The following AP1B1 variants were observed in gnomAD, a reference collection of about 807,000 sequenced individuals.
AP1B1 encodes adaptor related protein complex 1 subunit beta 1.
In AP1B1, 36 loss-of-function variants were observed where a neutral mutation model predicts 104.3. That is an observed-to-expected ratio of 0.35 (90% confidence interval 0.26 to 0.46). AP1B1 has a LOEUF of 0.46. Among genes scored for constraint, AP1B1 ranks in the 20% least tolerant of loss-of-function variants. The pLI is 1.00. For synonymous variants in AP1B1, 504 were observed against 517.5 expected, an observed-to-expected ratio of 0.97 and a Z score of 0.35; for missense variants, 901 against 1,247.9, an observed-to-expected ratio of 0.72 and a Z score of 4.19.
chr22:29,377,509 G>C (rs975320045), intron 1 of AP1B1, among the ~76,000 whole-genome samples: 1 of 152,090 alleles, frequency 6.6e-6, no homozygotes, highest in African/African-American at 2.4e-5. Flanking sequence ...TATGTAAAGA[G>C]CTTTAAAGTT....
In AP1B1 at chr22:29,350,140, T is replaced by C; in HGVS notation, c.1166A>G (p.Glu389Gly). 6.2e-7 allele frequency: 1 copy of C among 1,614,016 alleles called. No individual in the cohort carries two copies. Among genetic ancestry groups the C allele is most frequent in the Non-Finnish European group, 8.5e-7 (1 of 1,179,938 alleles). The change falls in exon 10 of 23, where the codon GAG (glutamate) becomes GGG (glycine). Residue 389 changes from glutamate to glycine, a missense_variant. By Grantham distance (98) the Glu-to-Gly change is moderately conservative (BLOSUM62 -2). Transcript: ENST00000357586. ...RCAIKVEQSA[E>G]RCVSTLLDLI... ...GTCGAGCAGCGTGCTCACACAGCGC[T>C]CCGCAGATTGCTGCATGGGAAGAGA...
At position 29,377,107 on chromosome 22, in the gene AP1B1, A is replaced by C. The variant is rs565308070; in HGVS notation, c.-27-9837T>G. ...GCTACTCGGGAGGCTGAGGTGGAAG[A>C]ATCGCTTGAACCTGGGAGGCGGGGG... On this transcript the variant is annotated intron_variant, in intron 1 of 22. Coordinates refer to ENST00000357586, the MANE Select transcript of AP1B1 (RefSeq NM_001127.4). 3.2e-4 allele frequency among the ~76,000 whole-genome samples: 48 copies of C among 150,486 alleles called. 1 individual carries two copies. In the South Asian group the frequency reaches 9.5e-3, roughly 30 times the overall value.
At chr22:29,362,970 T>G (rs776697486) in intron 3 of AP1B1, 31 bp downstream of exon 3, 43 of 1,562,320 alleles carry the variant, frequency 2.8e-5, no homozygotes, top group Non-Finnish European at 3.0e-5. Flanking sequence ...TCAGCCAGCT[T>G]CTAGCTGCCA....
intron 14 of AP1B1, 99 bp from the exon 15 acceptor site, chr22:29,339,873 G>A: frequency 4.5e-6 from 6 of 1,333,668 alleles, no homozygotes; most frequent in Non-Finnish European, 5.3e-6. Flanking sequence ...AAGGGAAAGA[G>A]GGAGATTAGT....
chr22:29,385,408 C>A (rs2062506751), intron 1 of AP1B1, among the ~76,000 whole-genome samples: 2 of 152,048 alleles, frequency 1.3e-5, no homozygotes. Flanking sequence ...AGAGTTGGTG[C>A]TTGCAGAAGT....
intron 22 of AP1B1, 30 bp downstream of exon 22, chr22:29,329,682 G>A (rs778950718): frequency 1.9e-5 from 31 of 1,613,148 alleles, no homozygotes; most frequent in African/African-American, 1.1e-4. Flanking sequence ...TGGGGAGGGC[G>A]GACGGGGAAA....
chr22:29,346,796 G>T (rs191386780), intron 11 of AP1B1, among the ~76,000 whole-genome samples: 4 of 151,796 alleles, frequency 2.6e-5, no homozygotes, highest in Non-Finnish European at 4.4e-5. Flanking sequence ...GGTGGCAGTG[G>T]GGGGGGGTGA....
chr22:29,334,154 G>A (rs1005424456), intron 17 of AP1B1, 111 bp downstream of exon 17: 1 of 1,135,552 alleles, frequency 8.8e-7, no homozygotes, highest in Admixed American at 2.7e-5. Flanking sequence ...AAGGGGCACT[G>A]CCCTCCCCTC....
intron 16 of AP1B1, 124 bp from the exon 17 acceptor site, chr22:29,334,534 C>T (rs2061609636): frequency 1.9e-6 from 2 of 1,056,518 alleles, no homozygotes; most frequent in African/African-American, 1.6e-5. Flanking sequence ...CCAGCACCCC[C>T]ACCTTTACTG....
At chr22:29,360,284 C>T (rs1569160965) in intron 3 of AP1B1, among the ~76,000 whole-genome samples, 1 of 152,164 alleles carries the variant, frequency 6.6e-6, no homozygotes, top group Non-Finnish European at 1.5e-5. Flanking sequence ...TCACCTGCCC[C>T]CTCGCCCTGA....
chr22:29,328,648 A>G lies in AP1B1; in HGVS notation c.*173T>C. 1.4e-6 allele frequency: 1 copy of G among 735,280 alleles called. No homozygotes were observed. 45.5% of individuals were successfully genotyped at this position (735,280 alleles called of 1,614,324 possible). ...GAGTGCACTGCGCTCTCACCCCAGG[A>G]GGGGGTGGTGCCCTACCCCAGGGAT... On this transcript the variant is annotated 3_prime_UTR_variant, in exon 23 of 23. Transcript: ENST00000357586. The surrounding 1 kb of genome is among the most constrained non-coding windows in gnomAD (Gnocchi z 4.1).
At chr22:29,378,974 C>G (rs1220511619) in intron 1 of AP1B1, among the ~76,000 whole-genome samples, 2 of 151,950 alleles carry the variant, frequency 1.3e-5, no homozygotes, top group South Asian at 2.1e-4. Context: ...CTTATATTGG[C>G]TTTGAGTCTC....
intron 16 of AP1B1, 51 bp from the exon 17 acceptor site, chr22:29,334,461 C>G: frequency 1.3e-6 from 2 of 1,545,368 alleles, no homozygotes; most frequent in Non-Finnish European, 1.7e-6. Flanking sequence ...TTCCTGCAGC[C>G]CAAACTCAAC....
At chr22:29,357,647 T>A (rs111665624) in intron 5 of AP1B1, among the ~76,000 whole-genome samples, 1,707 of 151,586 alleles carry the variant, frequency 0.011, 41 homozygotes, top group African/African-American at 0.04. Context: ...ATTACAGGCA[T>A]GTAATCCTGT....
At position 29,336,230 on chromosome 22, in the gene AP1B1, A is replaced by G. The variant is rs141708315; in HGVS notation, c.2164-1820T>C. 1.2e-3 allele frequency among the ~76,000 whole-genome samples: 190 copies of G among 152,322 alleles called. 1 individual carries two copies. In the East Asian group the frequency reaches 0.033, roughly 26 times the overall value. The stretch of plus-strand genomic sequence containing the variant: ...GTAACCCCACAAGCAGGGTGTGGAA[A>G]TGCATGAGGAATGAACAATTCCAGG... On this transcript the variant is annotated intron_variant, in intron 16 of 22. Coordinates refer to ENST00000357586, the MANE Select transcript of AP1B1 (RefSeq NM_001127.4).
chr22:29,359,241 G>A (rs1462929852), intron 4 of AP1B1, among the ~76,000 whole-genome samples: 2 of 152,162 alleles, frequency 1.3e-5, no homozygotes, highest in Non-Finnish European at 2.9e-5. Context: ...CTCTCAGAAA[G>A]GCTAGGAGCT....
chr22:29,375,349 C>CA lies in AP1B1; in HGVS notation c.-27-8080dup, dbSNP rs547697174. ...TGCGTGACAGAGTGAGATTCCATCA[C>CA]AAAAAAAAAAAAAAAAAAAAAAAAA... On this transcript the variant is annotated intron_variant, in intron 1 of 22. Transcript: ENST00000357586. 4.4e-3 allele frequency among the ~76,000 whole-genome samples: 254 copies of CA among 57,376 alleles called. 21 individuals carry two copies. Among genetic ancestry groups the CA allele is most frequent in the Middle Eastern group, 0.027 (2 of 74 alleles). The allele number at this position is 57,376 out of a possible 152,430, so 37.6% of individuals were successfully genotyped here. A position where few individuals can be genotyped will look rare whatever the true frequency, so the allele number is the denominator to read the frequency against.
intron 1 of AP1B1, among the ~76,000 whole-genome samples, chr22:29,368,318 G>A (rs1164723796): frequency 6.6e-6 from 1 of 151,824 alleles, no homozygotes; most frequent in Non-Finnish European, 1.5e-5. Context: ...AAGACAATAG[G>A]ACAAAGAAAG....
At chr22:29,345,412 C>T (rs2061777246) in intron 11 of AP1B1, among the ~76,000 whole-genome samples, 2 of 143,436 alleles carry the variant, frequency 1.4e-5, no homozygotes, top group Non-Finnish European at 3.0e-5. Context: ...CGGTCTGTTG[C>T]CCAGGCTGGA....
Sources: gnomAD v4.1 joint callset for allele counts (sites outside exome capture counted in the v4.1 genomes callset) on GRCh38, gnomAD v4.1.1 for gene constraint, Gnocchi (gnomAD v3.1) non-coding constraint, MANE v1.5 for transcripts, NCBI Gene and HGNC (gene_info 2026-07-23, HGNC 2026-07-21) for gene names.